MEGF9: variants seen among roughly 807,000 people sequenced by gnomAD.
The protein encoded by MEGF9 is multiple epidermal growth factor-like domains protein 9.
A neutral mutation model predicts 46.8 loss-of-function variants in MEGF9; 6 were observed. The ratio of observed to expected loss-of-function variants is 0.13; its 90% confidence interval spans 0.07 to 0.25. MEGF9 has a LOEUF of 0.25. Among genes scored for constraint, MEGF9 ranks in the 10% least tolerant of loss-of-function variants. The pLI is 1.00. For synonymous variants in MEGF9, 302 were observed against 330.7 expected (o/e 0.91, Z 0.94); for missense variants, 683 against 792.4 (o/e 0.86, Z 1.66).
intron 2 of MEGF9, among the ~76,000 whole-genome samples, chr9:120,640,695 T>A (rs999744401): frequency 8.5e-5 from 13 of 152,222 alleles, no homozygotes; most frequent in African/African-American, 3.1e-4. Flanking sequence ...TAATCTTTTT[T>A]AAAATTTTAT....
In MEGF9 at chr9:120,602,284, G is replaced by T. The variant is rs531558794; in HGVS notation, c.*2906C>A. On this transcript the variant is annotated 3_prime_UTR_variant, in exon 6 of 6. Transcript: ENST00000373930. ...CCCAAAGTGCTGGGATTACAGGCGT[G>T]AGCCACCGCACCCGGCCCAAAATTA... 1 of 152,748 alleles carries T rather than the reference G, an allele frequency of 6.5e-6. No homozygotes were observed. The highest frequency in any genetic ancestry group is 2.1e-4 in the South Asian group (1 of 4,826). The allele number at this position is 152,748 out of a possible 1,614,324, so 9.5% of individuals were successfully genotyped here.
At chr9:120,635,432 C>G (rs2043569708) in intron 2 of MEGF9, among the ~76,000 whole-genome samples, 1 of 152,186 alleles carries the variant, frequency 6.6e-6, no homozygotes, top group Non-Finnish European at 1.5e-5. Flanking sequence ...TTCCCTAGAA[C>G]TCTCACAATA....
At chr9:120,710,370 G>A (rs1196108999) in intron 1 of MEGF9, among the ~76,000 whole-genome samples, 3 of 147,556 alleles carry the variant, frequency 2.0e-5, no homozygotes, top group African/African-American at 7.5e-5. Flanking sequence ...GTTGTGGTGA[G>A]CCGAGATAGC....
chr9:120,622,503 A>G (rs944040642), intron 3 of MEGF9, 113 bp downstream of exon 3: 3 of 1,070,230 alleles, frequency 2.8e-6, no homozygotes, highest in Non-Finnish European at 3.9e-6. Flanking sequence ...CATCCTACTT[A>G]GAAGATAAAG....
chr9:120,612,273 T>C, intron 4 of MEGF9, 123 bp downstream of exon 4: 1 of 828,978 alleles, frequency 1.2e-6, no homozygotes, highest in Admixed American at 3.1e-5. Context: ...AGGAAAACTT[T>C]TGCTGTTTTT....
chr9:120,659,309 G>A (rs2043691153), intron 2 of MEGF9, 65 bp downstream of exon 2: 2 of 1,418,010 alleles, frequency 1.4e-6, no homozygotes, highest in Non-Finnish European at 1.9e-6. Flanking sequence ...GTCCTTGAGA[G>A]TAGCAGCCTT....
intron 3 of MEGF9, among the ~76,000 whole-genome samples, chr9:120,617,782 TG>T (rs1199241696): frequency 1.3e-5 from 2 of 152,192 alleles, no homozygotes; most frequent in African/African-American, 4.8e-5. Context: ...GACAGTGGCT[TG>T]GGCAAGGATG....
intron 1 of MEGF9, among the ~76,000 whole-genome samples, 152 bp from the exon 2 acceptor site, chr9:120,659,727 G>A (rs565417215): frequency 9.2e-5 from 14 of 151,422 alleles, no homozygotes; most frequent in Admixed American, 2.0e-4. Flanking sequence ...TTTCTATCCC[G>A]TTTAGTTTAC....
intron 1 of MEGF9, among the ~76,000 whole-genome samples, chr9:120,697,971 T>C (rs1303411720): frequency 6.6e-6 from 1 of 152,126 alleles, no homozygotes; most frequent in African/African-American, 2.4e-5. Context: ...CACAGTTTAA[T>C]CAAAGGAAAA....
chr9:120,612,455 G>A lies in MEGF9; in HGVS notation c.1028C>T (p.Thr343Ile), dbSNP rs776162816. The A allele has an allele frequency of 1.5e-5, 25 of 1,613,548 alleles. No individual in the cohort carries two copies. The South Asian group carries it at 2.7e-4, about 18-fold the overall frequency. The change falls in exon 4 of 6, where the codon ACT (threonine) becomes ATT (isoleucine). Residue 343 changes from threonine to isoleucine, a missense_variant. Coordinates refer to ENST00000373930, the MANE Select transcript of MEGF9 (RefSeq NM_001080497.3). The part of the protein sequence containing the change: ...KEGFYQSPDA[T>I]KECLRCPCSA... ...ACAAGGGCAGCGAAGACATTCTTTA[G>A]TGGCATCAGGACTCTGATAAAATCC...
At chr9:120,612,301 A>G (rs1008606076) in intron 4 of MEGF9, 95 bp downstream of exon 4, 3 of 1,222,314 alleles carry the variant, frequency 2.5e-6, no homozygotes, top group African/African-American at 1.5e-5. Flanking sequence ...CCTTTCACCT[A>G]TAGCATCCAG....
chr9:120,615,276 C>T (rs894333547), intron 3 of MEGF9, among the ~76,000 whole-genome samples: 7 of 145,730 alleles, frequency 4.8e-5, no homozygotes, highest in African/African-American at 1.3e-4. Context: ...TATATGTAAG[C>T]GTGTGTGTGT....
At chr9:120,698,516 G>C (rs2043889007) in intron 1 of MEGF9, among the ~76,000 whole-genome samples, 1 of 152,150 alleles carries the variant, frequency 6.6e-6, no homozygotes, top group Non-Finnish European at 1.5e-5. Context: ...CCACCTATTA[G>C]AGAGTTGATC....
intron 2 of MEGF9, among the ~76,000 whole-genome samples, chr9:120,626,603 T>C (rs2043526549): frequency 6.6e-6 from 1 of 152,176 alleles, no homozygotes; most frequent in Non-Finnish European, 1.5e-5. Flanking sequence ...TTTTAAAGAC[T>C]CTGTTTAAGA....
intron 1 of MEGF9, among the ~76,000 whole-genome samples, chr9:120,701,896 A>G (rs1463915940): frequency 6.6e-6 from 1 of 152,086 alleles, no homozygotes; most frequent in East Asian, 1.9e-4. Flanking sequence ...TACAAAAATT[A>G]GCCAGGTGTG....
chr9:120,713,493 AG>A (rs2043962237), intron 1 of MEGF9, among the ~76,000 whole-genome samples: 1 of 152,194 alleles, frequency 6.6e-6, no homozygotes, highest in Non-Finnish European at 1.5e-5. Context: ...GAAAAAGGCC[AG>A]AAAGCCCTGT....
At chr9:120,629,579 T>C (rs1191167508) in intron 2 of MEGF9, among the ~76,000 whole-genome samples, 1 of 151,802 alleles carries the variant, frequency 6.6e-6, no homozygotes, top group Admixed American at 6.6e-5. Context: ...CGGAGGTTGT[T>C]GCAGTGAGGC....
intron 5 of MEGF9, among the ~76,000 whole-genome samples, chr9:120,606,942 A>T (rs1002594872): frequency 1.3e-5 from 2 of 152,144 alleles, no homozygotes; most frequent in Admixed American, 6.5e-5. Flanking sequence ...TGTGCCTCCC[A>T]AATAGGTAAG....
chr9:120,631,867 G>A (rs2043552105), intron 2 of MEGF9, among the ~76,000 whole-genome samples: 1 of 152,016 alleles, frequency 6.6e-6, no homozygotes, highest in African/African-American at 2.4e-5. Context: ...TTGGTAGTAT[G>A]GTTATTTTCA....
Sources: gnomAD v4.1 joint callset for allele counts (sites outside exome capture counted in the v4.1 genomes callset) on GRCh38, gnomAD v4.1.1 for gene constraint, MANE v1.5 for transcripts, NCBI Gene and HGNC (gene_info 2026-07-23, HGNC 2026-07-21) for gene names.